The following CNTN4 variants were observed in gnomAD, a reference collection of about 807,000 sequenced individuals.
CNTN4 encodes contactin-4.
A neutral mutation model predicts 122.5 loss-of-function variants in CNTN4; 77 were observed. That is an observed-to-expected ratio of 0.63 (90% CI 0.52 to 0.76). The LOEUF is 0.76. Ranked by LOEUF, CNTN4 falls within the 30% of genes least tolerant of loss-of-function variation. The probability of loss-of-function intolerance (pLI) is 0.00; values close to 1 mark genes in which losing one functional copy is unlikely to be tolerated. For missense variants in CNTN4, 1,256 were observed against 1,259.1 expected, an observed-to-expected ratio of 1.00 and a Z score of 0.04; for synonymous variants, 512 against 447.0, an observed-to-expected ratio of 1.15 and a Z score of -1.83.
intron 2 of CNTN4, among the ~76,000 whole-genome samples, chr3:2,280,960 C>A (rs1373301961): frequency 3.3e-5 from 5 of 152,178 alleles, no homozygotes; most frequent in African/African-American, 4.8e-5. Context: ...CCTCTCCTTG[C>A]TCTGTTAGTG....
At chr3:2,396,158 G>A (rs2046632576) in intron 3 of CNTN4, among the ~76,000 whole-genome samples, 1 of 151,744 alleles carries the variant, frequency 6.6e-6, no homozygotes, top group Non-Finnish European at 1.5e-5. Flanking sequence ...CTAATTAGCT[G>A]GGACCACAAG....
intron 14 of CNTN4, among the ~76,000 whole-genome samples, chr3:3,005,871 C>T (rs1329916288): frequency 6.7e-6 from 1 of 148,218 alleles, no homozygotes; most frequent in African/African-American, 2.5e-5. Context: ...CACTCTATCT[C>T]AGCACACTGT....
intron 2 of CNTN4, among the ~76,000 whole-genome samples, chr3:2,170,549 T>G (rs1420557789): frequency 6.6e-6 from 1 of 152,206 alleles, no homozygotes; most frequent in African/African-American, 2.4e-5. Context: ...TGTGCCCACA[T>G]TAATCTGTAA....
intron 3 of CNTN4, among the ~76,000 whole-genome samples, chr3:2,518,234 T>C (rs577156733): frequency 6.2e-4 from 94 of 152,230 alleles, no homozygotes; most frequent in Non-Finnish European, 6.0e-4. Context: ...TGTGTGTGTG[T>C]GCACACACGC....
rs75137372 is a variant in CNTN4, at chr3:2,278,712, T to C, written c.-144-60466T>C. Among the ~76,000 whole-genome samples the C allele has an allele frequency of 7.9e-3, 1,209 of 152,264 alleles. 17 individuals are homozygous for C. The highest frequency in any genetic ancestry group is 0.028 in the African/African-American group (1,145 of 41,542). Reference sequence around the variant, plus strand: ...TGAATTGCAAGACCCCTGTGCCTAATCCTGAAAAAGTTTTCTAACTTCTTT... The same window carrying C: ...TGAATTGCAAGACCCCTGTGCCTAACCCTGAAAAAGTTTTCTAACTTCTTT... On this transcript the variant is annotated intron_variant, in intron 2 of 24. Coordinates refer to ENST00000418658, the MANE Select transcript of CNTN4 (RefSeq NM_175607.3).
At chr3:2,402,072 A>G (rs1367133001) in intron 3 of CNTN4, among the ~76,000 whole-genome samples, 1 of 152,156 alleles carries the variant, frequency 6.6e-6, no homozygotes, top group Non-Finnish European at 1.5e-5. Context: ...ATACTTGAGT[A>G]GATCAAACGG....
intron 3 of CNTN4, among the ~76,000 whole-genome samples, chr3:2,383,797 C>G (rs537048343): frequency 1.0e-4 from 15 of 150,614 alleles, no homozygotes; most frequent in Non-Finnish European, 1.9e-4. Flanking sequence ...TTTCTTTCCT[C>G]TCTTCTCCCT....
At chr3:2,822,397 G>A (rs536611130) in intron 7 of CNTN4, among the ~76,000 whole-genome samples, 53 of 152,114 alleles carry the variant, frequency 3.5e-4, no homozygotes, top group South Asian at 2.3e-3. Flanking sequence ...ACTCGATAAG[G>A]GCTAAACATC....
intron 2 of CNTN4, among the ~76,000 whole-genome samples, chr3:2,296,402 A>C (rs549301126): frequency 6.6e-6 from 1 of 152,274 alleles, no homozygotes; most frequent in African/African-American, 2.4e-5. Context: ...CATCCCTTGT[A>C]AGTTGGATTC....
At chr3:2,424,662 G>A (rs192971884) in intron 3 of CNTN4, among the ~76,000 whole-genome samples, 297 of 152,222 alleles carry the variant, frequency 2.0e-3, no homozygotes, top group African/African-American at 6.6e-3. Flanking sequence ...CAATGGTTGA[G>A]CTAGTTTACA....
chr3:2,977,822 T>G (rs1228331136), intron 13 of CNTN4, among the ~76,000 whole-genome samples: 1 of 152,162 alleles, frequency 6.6e-6, no homozygotes, highest in African/African-American at 2.4e-5. Context: ...GTAATCAAGT[T>G]AAGATGAGAT....
intron 4 of CNTN4, among the ~76,000 whole-genome samples, chr3:2,703,501 GC>G (rs2086474210): frequency 1.3e-5 from 2 of 152,094 alleles, no homozygotes; most frequent in African/African-American, 4.8e-5. Flanking sequence ...GATGGAACTT[GC>G]CCATGTGAAA....
At chr3:2,613,767 A>G (rs2081597227) in intron 4 of CNTN4, among the ~76,000 whole-genome samples, 1 of 152,130 alleles carries the variant, frequency 6.6e-6, no homozygotes, top group Admixed American at 6.6e-5. Flanking sequence ...TTTAAGGTTG[A>G]ATAGAGAACC....
At chr3:2,526,211 C>T (rs944569728) in intron 3 of CNTN4, among the ~76,000 whole-genome samples, 6 of 152,116 alleles carry the variant, frequency 3.9e-5, no homozygotes, top group African/African-American at 1.2e-4. Flanking sequence ...TCCACCTTCT[C>T]ATTTCTCTGT....
At chr3:2,275,163 T>G (rs1028599039) in intron 2 of CNTN4, among the ~76,000 whole-genome samples, 16 of 152,248 alleles carry the variant, frequency 1.1e-4, no homozygotes, top group Non-Finnish European at 1.5e-5. Flanking sequence ...TAATGTTTAC[T>G]GCTGTAAGTG....
intron 3 of CNTN4, among the ~76,000 whole-genome samples, chr3:2,473,286 A>G (rs548196410): frequency 4.0e-5 from 6 of 151,104 alleles, no homozygotes; most frequent in Non-Finnish European, 8.8e-5. Context: ...CTGTACTACG[A>G]TAGCATCTTC....
At chr3:2,482,015 G>GT (rs1476625318) in intron 3 of CNTN4, among the ~76,000 whole-genome samples, 1 of 152,210 alleles carries the variant, frequency 6.6e-6, no homozygotes, top group Non-Finnish European at 1.5e-5. Flanking sequence ...ACTGCAGAGA[G>GT]TGGGGTGCTG....
intron 3 of CNTN4, among the ~76,000 whole-genome samples, chr3:2,536,471 A>G (rs2077810719): frequency 6.6e-6 from 1 of 152,260 alleles, no homozygotes; most frequent in African/African-American, 2.4e-5. Flanking sequence ...CCTATGCTGA[A>G]AAGATTGAAT....
chr3:2,576,372 C>T (rs1413797547), intron 4 of CNTN4, among the ~76,000 whole-genome samples: 2 of 152,162 alleles, frequency 1.3e-5, no homozygotes, highest in African/African-American at 4.8e-5. Flanking sequence ...GCTTTGTAGT[C>T]ACCCTGATAC....
Sources: gnomAD v4.1 joint callset for allele counts (sites outside exome capture counted in the v4.1 genomes callset) on GRCh38, gnomAD v4.1.1 for gene constraint, MANE v1.5 for transcripts, NCBI Gene and HGNC (gene_info 2026-07-23, HGNC 2026-07-21) for gene names.